The following CDH12 variants were observed in gnomAD, a reference collection of about 807,000 sequenced individuals.
The protein encoded by CDH12 is cadherin-12.
CDH12 carries 41 observed loss-of-function variants against 74.1 expected under a neutral mutation model. The ratio of observed to expected loss-of-function variants is 0.55; its 90% confidence interval spans 0.43 to 0.72. The LOEUF (loss-of-function observed/expected upper bound fraction) is 0.72, where lower values mean the gene tolerates loss of function less well. Ranked by LOEUF, CDH12 falls within the 30% of genes least tolerant of loss-of-function variation. CDH12 has a pLI of 0.00. For synonymous variants in CDH12, 399 were observed against 355.0 expected (o/e 1.12, Z -1.39); for missense variants, 945 against 977.2 (o/e 0.97, Z 0.44).
chr5:21,804,905 G>A (rs1458624623), intron 9 of CDH12, among the ~76,000 whole-genome samples: 1 of 152,076 alleles, frequency 6.6e-6, no homozygotes, highest in Non-Finnish European at 1.5e-5. Flanking sequence ...AGAATGATGT[G>A]TAAGATAGAA....
intron 3 of CDH12, among the ~76,000 whole-genome samples, chr5:22,345,122 C>G (rs150140351): frequency 6.6e-6 from 1 of 152,114 alleles, no homozygotes; most frequent in Non-Finnish European, 1.5e-5. Context: ...TTGATGAGGA[C>G]GGGGTAAAGA....
At chr5:22,611,597 G>A (rs1232016956) in intron 1 of CDH12, among the ~76,000 whole-genome samples, 2 of 152,120 alleles carry the variant, frequency 1.3e-5, no homozygotes, top group Non-Finnish European at 2.9e-5. Flanking sequence ...GAAAGATAGA[G>A]AGCAGTAACC....
At chr5:22,512,558 T>TA (rs1554046342) in intron 1 of CDH12, among the ~76,000 whole-genome samples, 1 of 152,152 alleles carries the variant, frequency 6.6e-6, no homozygotes, top group African/African-American at 2.4e-5. Flanking sequence ...AACCCAAGAC[T>TA]AATATCAGCT....
chr5:21,857,905 G>A (rs557541088), intron 6 of CDH12, among the ~76,000 whole-genome samples: 1 of 151,834 alleles, frequency 6.6e-6, no homozygotes, highest in East Asian at 2.0e-4. Flanking sequence ...CTCTCTTCCT[G>A]GCTTCTCACT....
At chr5:22,848,136 G>A (rs1376309002) in intron 1 of CDH12, among the ~76,000 whole-genome samples, 1 of 152,064 alleles carries the variant, frequency 6.6e-6, no homozygotes, top group Admixed American at 6.6e-5. Context: ...CCTTCATTAT[G>A]TACTAACTCT....
At chr5:22,822,715 T>C (rs1012683076) in intron 1 of CDH12, among the ~76,000 whole-genome samples, 30 of 152,140 alleles carry the variant, frequency 2.0e-4, no homozygotes, top group Admixed American at 4.6e-4. Context: ...ATGGCAATCA[T>C]TAAAAAGTCA....
In CDH12 at chr5:22,657,303, T is replaced by G. The variant is rs188634071; in HGVS notation, c.-522-151939A>C. On this transcript the variant is annotated intron_variant, in intron 1 of 14. Coordinates refer to ENST00000382254, the MANE Select transcript of CDH12 (RefSeq NM_004061.5). ...TGCTTCGCTTCAGAGATGTAGTAGC[T>G]CTTGTCGCAATCTGGAGGCTGATTA... is the stretch of plus-strand genomic sequence containing the variant. Among the ~76,000 whole-genome samples the G allele has an allele frequency of 4.3e-3, 662 of 152,268 alleles. 5 individuals carry two copies. The highest frequency in any genetic ancestry group is 0.015 in the African/African-American group (640 of 41,556).
At chr5:21,938,707 TTATATATATAATATACATA>T (rs1755183325) in intron 6 of CDH12, among the ~76,000 whole-genome samples, 1 of 132,954 alleles carries the variant, frequency 7.5e-6, no homozygotes, top group African/African-American at 3.0e-5. Context: ...TTATAATATT[TTATATATATAATATACATA>T]TATATATATA....
chr5:22,247,831 T>A (rs1753006887), intron 3 of CDH12, among the ~76,000 whole-genome samples: 1 of 152,182 alleles, frequency 6.6e-6, no homozygotes, highest in Admixed American at 6.6e-5. Flanking sequence ...AAAAGTCACA[T>A]GTAAACATAT....
chr5:22,795,259 T>A (rs894183598), intron 1 of CDH12, among the ~76,000 whole-genome samples: 15 of 152,182 alleles, frequency 9.9e-5, no homozygotes, highest in African/African-American at 3.6e-4. Context: ...GAGATGACGA[T>A]GGGAGTGTTA....
chr5:21,776,141 T>G (rs1437765120), intron 11 of CDH12, among the ~76,000 whole-genome samples: 1 of 152,212 alleles, frequency 6.6e-6, no homozygotes, highest in Non-Finnish European at 1.5e-5. Flanking sequence ...GCTGCCATGT[T>G]ACAAACTGCT....
At chr5:22,621,783 T>C (rs1430157008) in intron 1 of CDH12, among the ~76,000 whole-genome samples, 1 of 151,972 alleles carries the variant, frequency 6.6e-6, no homozygotes, top group Non-Finnish European at 1.5e-5. Context: ...TTACCAAAAT[T>C]GACTGAATAT....
intron 5 of CDH12, among the ~76,000 whole-genome samples, chr5:21,986,841 G>A (rs1433727026): frequency 1.3e-5 from 2 of 151,628 alleles, no homozygotes; most frequent in African/African-American, 2.4e-5. Context: ...AGCTCTTATC[G>A]AATATTATAT....
chr5:22,730,383 T>C (rs1744373186), intron 1 of CDH12, among the ~76,000 whole-genome samples: 1 of 151,776 alleles, frequency 6.6e-6, no homozygotes, highest in Non-Finnish European at 1.5e-5. Flanking sequence ...TTGTTTTGTT[T>C]TTCCAGTCCA....
At chr5:22,644,857 G>A (rs529315291) in intron 1 of CDH12, among the ~76,000 whole-genome samples, 1 of 151,886 alleles carries the variant, frequency 6.6e-6, no homozygotes, top group Admixed American at 6.6e-5. Context: ...AAAATCCTAG[G>A]GCCTTTAAGA....
At chr5:22,616,854 T>G (rs1449499548) in intron 1 of CDH12, among the ~76,000 whole-genome samples, 1 of 151,938 alleles carries the variant, frequency 6.6e-6, no homozygotes, top group Non-Finnish European at 1.5e-5. Context: ...TGAATGGAAT[T>G]TGTGCCAATT....
intron 1 of CDH12, among the ~76,000 whole-genome samples, chr5:22,614,820 A>C (rs893631909): frequency 6.6e-6 from 1 of 152,020 alleles, no homozygotes; most frequent in Non-Finnish European, 1.5e-5. Flanking sequence ...ACTATGCATT[A>C]ATTTCTTTTT....
chr5:22,841,565 AAGTTGGATG>A (rs1487511951), intron 1 of CDH12, among the ~76,000 whole-genome samples: 1 of 152,124 alleles, frequency 6.6e-6, no homozygotes, highest in Admixed American at 6.6e-5. Context: ...TAAAACTATG[AAGTTGGATG>A]AGATCTCTAA....
intron 4 of CDH12, among the ~76,000 whole-genome samples, chr5:22,150,513 G>A (rs534602236): frequency 7.6e-4 from 102 of 134,410 alleles, no homozygotes; most frequent in Non-Finnish European, 1.3e-3. Context: ...ACATATATAT[G>A]TATATATATA....
Sources: allele counts gnomAD v4.1 joint callset (sites outside exome capture counted in the v4.1 genomes callset), GRCh38; gene constraint gnomAD v4.1.1; transcripts MANE v1.5; gene names NCBI Gene and HGNC (gene_info 2026-07-23, HGNC 2026-07-21).